Variants in LRP1B observed in about 807,000 individuals in gnomAD.
The protein encoded by LRP1B is low-density lipoprotein receptor-related protein 1B.
A neutral mutation model predicts 556.6 loss-of-function variants in LRP1B; 217 were observed. The observed-to-expected ratio is 0.39, with a 90% CI of 0.35 to 0.44. The LOEUF (loss-of-function observed/expected upper bound fraction) is 0.44. LRP1B is among the 20% of genes least tolerant of loss of function. The pLI, the probability that LRP1B is intolerant of heterozygous loss-of-function variation, is 1.00. For missense variants in LRP1B, 5,053 were observed against 5,620.8 expected (o/e 0.90, Z 3.23); for synonymous variants, 2,047 against 1,865.8 (o/e 1.10, Z -2.50).
At position 141,188,500 on chromosome 2, in the gene LRP1B, A is replaced by C. The variant is rs1234815923; in HGVS notation, c.934T>G (p.Ser312Ala). Residue 312 changes from serine to alanine, a missense_variant, in exon 7 of 91, where the codon TCC (serine) becomes GCC (alanine). Physicochemically the swap from Ser to Ala is moderately conservative, Grantham distance 99. Around this residue, in one of 5 missense-constraint regions of LRP1B, gnomAD observed 3,619 missense variants for 3,931.9 expected, o/e 0.92. Coordinates refer to ENST00000389484, the MANE Select transcript of LRP1B (RefSeq NM_018557.3). ...AGGGTGACACATACAGAACCGTTGG[A>C]ATTACAAACAAAGATCCGGTCACCG... ...HVGDRIFVCN[S>A]NGSVCVTLID... 1 of 1,612,834 alleles carries C rather than the reference A, an allele frequency of 6.2e-7. No homozygotes were observed. The highest frequency in any genetic ancestry group is 8.5e-7 in the Non-Finnish European group (1 of 1,179,248).
At chr2:141,839,128 G>A (rs758872014) in intron 1 of LRP1B, among the ~76,000 whole-genome samples, 4 of 152,072 alleles carry the variant, frequency 2.6e-5, no homozygotes, top group Non-Finnish European at 5.9e-5. Context: ...CTTCTTACTG[G>A]ATTTAAAAGG....
intron 37 of LRP1B, among the ~76,000 whole-genome samples, chr2:140,710,969 G>T (rs1296397539): frequency 6.6e-6 from 1 of 151,986 alleles, no homozygotes; most frequent in Non-Finnish European, 1.5e-5. Flanking sequence ...AGTGACCTGA[G>T]CCTATCTGAA....
chr2:141,462,546 A>T (rs924278078), intron 3 of LRP1B, among the ~76,000 whole-genome samples: 3 of 152,158 alleles, frequency 2.0e-5, no homozygotes, highest in African/African-American at 7.2e-5. Flanking sequence ...TAATGCATAA[A>T]GAGCTTAAAA....
chr2:140,692,501 T>C (rs1686280932), intron 41 of LRP1B, among the ~76,000 whole-genome samples: 1 of 152,146 alleles, frequency 6.6e-6, no homozygotes, highest in South Asian at 2.1e-4. Flanking sequence ...TCTGGTTTTT[T>C]CTCATTACAA....
At chr2:140,980,463 T>C (rs1412438073) in intron 18 of LRP1B, among the ~76,000 whole-genome samples, 1 of 152,160 alleles carries the variant, frequency 6.6e-6, no homozygotes, top group Non-Finnish European at 1.5e-5. Flanking sequence ...AAATATTCTA[T>C]TGTCTATTGT....
At chr2:142,037,970 C>T (rs769640079) in intron 1 of LRP1B, among the ~76,000 whole-genome samples, 3 of 151,442 alleles carry the variant, frequency 2.0e-5, no homozygotes, top group Admixed American at 6.6e-5. Context: ...CGCCACCTAA[C>T]GAGGCAGCTA....
chr2:141,170,766 G>A (rs1009008022), intron 7 of LRP1B, among the ~76,000 whole-genome samples: 1 of 152,062 alleles, frequency 6.6e-6, no homozygotes, highest in African/African-American at 2.4e-5. Flanking sequence ...TTTAGGGAGT[G>A]GCTGAGGCAA....
chr2:140,366,931 G>A (rs1682787469), intron 71 of LRP1B, among the ~76,000 whole-genome samples: 1 of 151,680 alleles, frequency 6.6e-6, no homozygotes, highest in Non-Finnish European at 1.5e-5. Flanking sequence ...GGGTACAGGA[G>A]AGCAAAAGAG....
intron 41 of LRP1B, among the ~76,000 whole-genome samples, chr2:140,684,234 TA>T (rs1685968888): frequency 6.6e-6 from 1 of 152,240 alleles, no homozygotes; most frequent in Admixed American, 6.5e-5. Flanking sequence ...AAAAATTACT[TA>T]AAAAATTATG....
chr2:141,315,882 CTTTTTTTTTT>C (rs70991157), intron 3 of LRP1B, among the ~76,000 whole-genome samples: 14 of 18,138 alleles, frequency 7.7e-4, no homozygotes, highest in African/African-American at 3.1e-3. Flanking sequence ...TTAGTCTGGT[CTTTTTTTTTT>C]TTTTTTTTTT....
chr2:141,772,785 C>G (rs1054470915), intron 2 of LRP1B, among the ~76,000 whole-genome samples: 1 of 152,164 alleles, frequency 6.6e-6, no homozygotes. Flanking sequence ...ACACTGGGTT[C>G]CTGGAAGCCC....
At chr2:141,917,402 T>G (rs1700066049) in intron 1 of LRP1B, among the ~76,000 whole-genome samples, 1 of 152,240 alleles carries the variant, frequency 6.6e-6, no homozygotes, top group Non-Finnish European at 1.5e-5. Context: ...TTTATCAATA[T>G]GTATACCCAC....
At chr2:141,781,963 G>A (rs537267602) in intron 2 of LRP1B, among the ~76,000 whole-genome samples, 1 of 152,052 alleles carries the variant, frequency 6.6e-6, no homozygotes, top group African/African-American at 2.4e-5. Flanking sequence ...CTCTCTGAGC[G>A]ACTATTTTCT....
intron 2 of LRP1B, among the ~76,000 whole-genome samples, chr2:141,698,903 G>T (rs12622890): frequency 1.3e-5 from 2 of 151,632 alleles, no homozygotes; most frequent in African/African-American, 2.4e-5. Context: ...TGTAGTTTCA[G>T]CCAGGACCCA....
At chr2:141,514,674 G>T (rs1469339280) in intron 2 of LRP1B, among the ~76,000 whole-genome samples, 1 of 152,056 alleles carries the variant, frequency 6.6e-6, no homozygotes, top group Non-Finnish European at 1.5e-5. Context: ...AGTCAAAATT[G>T]CATTTAATAC....
chr2:140,907,942 T>C lies in LRP1B; in HGVS notation c.3455A>G (p.Gln1152Arg). 5 of 1,613,680 alleles carry C rather than the reference T, an allele frequency of 3.1e-6. No homozygotes were observed. The highest frequency in any genetic ancestry group is 4.2e-6 in the Non-Finnish European group (5 of 1,179,728). ...PCANDTSVCL[Q>R]PEKLCNGKKD... ...TTTCCCATTGCAGAGTTTCTCTGGC[T>C]GCAGGCAGACTGAGGTGTCATTAGC... Residue 1152 changes from glutamine (Q) to arginine (R), a missense_variant, in exon 22 of 91, where the codon CAG becomes CGG. By Grantham distance (43) the Gln-to-Arg change is conservative (BLOSUM62 1). This residue lies in a region of LRP1B where 3,619 missense variants were observed against 3,931.9 expected (regional missense o/e 0.92). Coordinates refer to ENST00000389484, the MANE Select transcript of LRP1B (RefSeq NM_018557.3).
intron 2 of LRP1B, among the ~76,000 whole-genome samples, chr2:141,800,070 T>C (rs955396280): frequency 6.6e-6 from 1 of 152,178 alleles, no homozygotes; most frequent in African/African-American, 2.4e-5. Flanking sequence ...ATATTTATCT[T>C]ATTATTCCCA....
At chr2:141,775,437 G>T (rs1413407774) in intron 2 of LRP1B, among the ~76,000 whole-genome samples, 1 of 152,154 alleles carries the variant, frequency 6.6e-6, no homozygotes, top group Non-Finnish European at 1.5e-5. Context: ...CTTACTGGTA[G>T]CTCAGTAACT....
chr2:141,034,907 T>A (rs866002230), intron 11 of LRP1B, among the ~76,000 whole-genome samples: 1 of 151,858 alleles, frequency 6.6e-6, no homozygotes, highest in African/African-American at 2.4e-5. Flanking sequence ...CACATGCACA[T>A]GTATGTTTAT....
Sources: gnomAD v4.1 joint callset for allele counts (sites outside exome capture counted in the v4.1 genomes callset) on GRCh38, gnomAD v4.1.1 for gene constraint, gnomAD v4.1.1 regional missense constraint, MANE v1.5 for transcripts, NCBI Gene and HGNC (gene_info 2026-07-23, HGNC 2026-07-21) for gene names.